ALPL: variants seen among roughly 807,000 people sequenced by gnomAD.
The protein encoded by ALPL is alkaline phosphatase, tissue-nonspecific isozyme.
Under a neutral mutation model 51.3 loss-of-function variants are expected in ALPL, and 42 were observed. That is an observed-to-expected ratio of 0.82 (90% CI 0.64 to 1.06). The LOEUF (loss-of-function observed/expected upper bound fraction) is 1.06. Among genes scored for constraint, ALPL ranks in the 50% least tolerant of loss-of-function variants. ALPL has a pLI of 0.00. For synonymous variants in ALPL, 279 were observed against 296.4 expected, an observed-to-expected ratio of 0.94 and a Z score of 0.60; for missense variants, 589 against 709.4, an observed-to-expected ratio of 0.83 and a Z score of 1.93.
chr1:21,539,889 C>A (rs1279379192), intron 1 of ALPL, among the ~76,000 whole-genome samples: 1 of 152,076 alleles, frequency 6.6e-6, no homozygotes, highest in Non-Finnish European at 1.5e-5. Flanking sequence ...ATCTCCTGAC[C>A]TCGTGATCTG....
rs1114167438 is a variant in ALPL at position 21,564,098 on chromosome 1, C to T, written c.530C>T (p.Ala177Val). 1.2e-6 allele frequency: 2 copies of T among 1,614,018 alleles called. No homozygotes were observed. The highest frequency in any genetic ancestry group is 1.7e-6 in the Non-Finnish European group (2 of 1,180,020). The stretch of plus-strand genomic sequence containing the variant: ...GTGAACCATGCCACCCCCAGCGCCG[C>T]CTACGCCCACTCGGCTGACCGGGAC... Reference protein sequence around the residue: ...TRVNHATPSAAYAHSADRDWY... With the variant: ...TRVNHATPSAVYAHSADRDWY... The change falls in exon 6 of 12, where the codon GCC becomes GTC. Residue 177 changes from alanine to valine, a missense_variant. By Grantham distance (64) the Ala-to-Val change is moderately conservative. Coordinates refer to ENST00000374840, the MANE Select transcript of ALPL (RefSeq NM_000478.6). This position sits in a 1 kb window ranked among gnomAD's most constrained non-coding sequence, Gnocchi z 5.8.
At position 21,577,606 on chromosome 1, in the gene ALPL, G is replaced by T; in HGVS notation, c.1533G>T (p.Leu511=). The T allele has an allele frequency of 6.2e-7, 1 of 1,600,170 alleles. No individual in the cohort carries two copies. The change falls in exon 12 of 12, where the codon CTG becomes CTT. Residue 511 remains leucine, a synonymous_variant. Coordinates refer to ENST00000374840, the MANE Select transcript of ALPL (RefSeq NM_000478.6). The stretch of plus-strand genomic sequence containing the variant: ...CAGGCAGCCTTGCTGCAGGCCCCCT[G>T]CTGCTCGCGCTGGCCCTCTACCCCC... The part of the protein sequence containing the change: ...SSAGSLAAGP[L]LLALALYPLS...
In ALPL at chr1:21,573,459, GAAAAAGAA is replaced by G. The variant is rs368062039; in HGVS notation, c.863-201_863-194del. 0.078 allele frequency among the ~76,000 whole-genome samples: 11,271 copies of G among 144,894 alleles called. 971 individuals carry two copies. The highest frequency in any genetic ancestry group is 0.43 in the East Asian group (1,992 of 4,676). ...CTCAAAAAAAAAAAAGAAAAGAAAA[GAAAAAGAA>G]AAAAGAAAAAAAAAGGAATTGGGGG... On this transcript the variant is annotated intron_variant, in intron 8 of 11. Coordinates refer to ENST00000374840, the MANE Select transcript of ALPL (RefSeq NM_000478.6).
At chr1:21,531,886 A>G (rs1644034956) in intron 1 of ALPL, among the ~76,000 whole-genome samples, 1 of 152,054 alleles carries the variant, frequency 6.6e-6, no homozygotes, top group Non-Finnish European at 1.5e-5. Context: ...TCCTGGCTGC[A>G]GCAACCCCTC....
intron 1 of ALPL, among the ~76,000 whole-genome samples, chr1:21,512,689 A>G (rs1234881969): frequency 6.6e-6 from 1 of 152,150 alleles, no homozygotes; most frequent in Non-Finnish European, 1.5e-5. Context: ...TGTCTGAAGA[A>G]CATAGTCTCC....
Position 21,561,151 on chromosome 1 carries a change from A to G in ALPL, c.236A>G (p.His79Arg). 1 of 1,613,674 alleles carries G rather than the reference A, an allele frequency of 6.2e-7. No individual in the cohort carries two copies. The change falls in exon 4 of 12, where the codon CAC becomes CGC. Residue 79 changes from histidine (H) to arginine (R), a missense_variant. Coordinates refer to ENST00000374840, the MANE Select transcript of ALPL (RefSeq NM_000478.6). The stretch of plus-strand genomic sequence containing the variant: ...CGCATCCTCAAGGGTCAGCTCCACC[A>G]CAACCCTGGGGAGGAGACCAGGCTG... ...AARILKGQLH[H>R]NPGEETRLEM...
chr1:21,515,959 G>C (rs1184222366), intron 1 of ALPL, among the ~76,000 whole-genome samples: 1 of 152,072 alleles, frequency 6.6e-6, no homozygotes, highest in Admixed American at 6.6e-5. Flanking sequence ...CTACAGTGCA[G>C]CCTTGACTTC....
Position 21,516,460 on chromosome 1 carries a change from C to T in ALPL, c.-105+6943C>T, listed in dbSNP as rs1249405487. 2.0e-5 allele frequency among the ~76,000 whole-genome samples: 3 copies of T among 152,242 alleles called. No homozygotes were observed. The East Asian group carries it at 5.8e-4, about 29-fold the overall frequency. ...CAACATGCACGTACTAGGCATGGTG[C>T]TCAGTGCCTTGCCTGTAATTACTAT... is the stretch of plus-strand genomic sequence containing the variant. On this transcript the variant is annotated intron_variant, in intron 1 of 11. Transcript: ENST00000374840.
chr1:21,563,162 AC>A lies in ALPL; in HGVS notation c.352del (p.Leu118CysfsTer4). The part of the protein sequence containing the change: ...VPDSAGTATA[Y>X]LCGVKANEGT... ...GACAGTGCCGGCACCGCCACCGCCT[AC>A]CTGTGTGGGGTGAAGGCCAATGAGG... is the stretch of plus-strand genomic sequence containing the variant. On this transcript the variant is annotated frameshift_variant, in exon 5 of 12. Coordinates refer to ENST00000374840, the MANE Select transcript of ALPL (RefSeq NM_000478.6). LOFTEE classifies it high-confidence loss of function. The A allele has an allele frequency of 1.2e-6, 2 of 1,613,864 alleles. No individual in the cohort carries two copies. Among genetic ancestry groups the A allele is most frequent in the Non-Finnish European group, 1.7e-6 (2 of 1,180,014 alleles).
chr1:21,531,905 C>A (rs1376683146), intron 1 of ALPL, among the ~76,000 whole-genome samples: 4 of 152,046 alleles, frequency 2.6e-5, no homozygotes, highest in Non-Finnish European at 5.9e-5. Flanking sequence ...TCCCCGCCAC[C>A]CTACACACAC....
At chr1:21,553,867 T>C in intron 1 of ALPL, 111 bp from the exon 2 acceptor site, 1 of 598,624 alleles carries the variant, frequency 1.7e-6, no homozygotes. Flanking sequence ...TGGTCTGTAA[T>C]AGGTGCTCAC....
chr1:21,545,299 G>GT lies in ALPL; in HGVS notation c.-104-8670dup, dbSNP rs966356993. On this transcript the variant is annotated intron_variant, in intron 1 of 11. Coordinates refer to ENST00000374840, the MANE Select transcript of ALPL (RefSeq NM_000478.6). ...TTTTTTTGTTTTTGTTTTTGTTTTT[G>GT]TTTTTTTTTAAGACAGAGTCTCACT... Among the ~76,000 whole-genome samples the GT allele has an allele frequency of 2.6e-4, 39 of 151,262 alleles. No homozygotes were observed. The East Asian group carries it at 5.0e-3, about 19-fold the overall frequency.
chr1:21,544,588 A>C (rs1056796772), intron 1 of ALPL, among the ~76,000 whole-genome samples: 1 of 149,730 alleles, frequency 6.7e-6, no homozygotes, highest in Middle Eastern at 3.2e-3. Flanking sequence ...ACTAAAAAAT[A>C]CAAAAAAATC....
At chr1:21,532,381 G>A (rs914395595) in intron 1 of ALPL, among the ~76,000 whole-genome samples, 1 of 151,914 alleles carries the variant, frequency 6.6e-6, no homozygotes, top group Non-Finnish European at 1.5e-5. Context: ...TGTAGAGATG[G>A]GGTTTCACCA....
Position 21,554,034 on chromosome 1 carries a change from C to T in ALPL, c.-48C>T, listed in dbSNP as rs201284200. The T allele has an allele frequency of 6.1e-6, 8 of 1,315,818 alleles. No individual in the cohort carries two copies. The highest frequency in any genetic ancestry group is 1.5e-5 in the African/African-American group (1 of 68,428). The allele number at this position is 1,315,818 out of a possible 1,614,324, so 81.5% of individuals were successfully genotyped here. ...CCAGCCCACCCCCTCCCACCCACGT[C>T]GATTGCATCTCTGGGCTCCAGGGAT... On this transcript the variant is annotated 5_prime_UTR_variant, in exon 2 of 12. Transcript: ENST00000374840.
intron 1 of ALPL, among the ~76,000 whole-genome samples, chr1:21,534,259 A>C (rs1558533793): frequency 6.6e-6 from 1 of 152,220 alleles, no homozygotes; most frequent in Non-Finnish European, 1.5e-5. Context: ...TACACGTGTC[A>C]GCCACCACAC....
chr1:21,576,268 TGGGTGG>T (rs1558557909), intron 10 of ALPL, among the ~76,000 whole-genome samples: 1 of 20,862 alleles, frequency 4.8e-5, no homozygotes, highest in African/African-American at 1.3e-4. Context: ...GATGGATGGA[TGGGTGG>T]ATGGATGGAT....
chr1:21,509,075 C>A (rs1023471438), upstream of ALPL, among the ~76,000 whole-genome samples: 4 of 151,932 alleles, frequency 2.6e-5, no homozygotes, highest in Admixed American at 6.6e-5. The surrounding 1 kb of genome is among the most constrained non-coding windows in gnomAD (Gnocchi z 6.0). Flanking sequence ...AAGATGCCGA[C>A]GGTAAAGACA....
chr1:21,570,082 C>T (rs771552124), intron 7 of ALPL, among the ~76,000 whole-genome samples: 2 of 152,184 alleles, frequency 1.3e-5, no homozygotes, highest in Admixed American at 6.5e-5. Flanking sequence ...TCTGGGCTCA[C>T]GGCCTCCCTG....
Sources: gnomAD v4.1 joint callset for allele counts (sites outside exome capture counted in the v4.1 genomes callset) on GRCh38, gnomAD v4.1.1 for gene constraint, Gnocchi (gnomAD v3.1) non-coding constraint, MANE v1.5 for transcripts, NCBI Gene and HGNC (gene_info 2026-07-23, HGNC 2026-07-21) for gene names.